ARL3: variants seen among roughly 807,000 people sequenced by gnomAD.
The protein encoded by ARL3 is ARF like GTPase 3, also known as ADP-ribosylation factor-like protein 3.
A neutral mutation model predicts 26.0 loss-of-function variants in ARL3; 9 were observed. The observed-to-expected ratio is 0.35, with a 90% CI of 0.21 to 0.60. The LOEUF is 0.60. Ranked by LOEUF, ARL3 falls within the 20% of genes least tolerant of loss-of-function variation. ARL3 has a pLI of 0.78. For synonymous variants in ARL3, 71 were observed against 78.4 expected (o/e 0.91, Z 0.50); for missense variants, 158 against 215.7 (o/e 0.73, Z 1.67).
intron 3 of ARL3, among the ~76,000 whole-genome samples, chr10:102,692,239 TA>T (rs2064221933): frequency 6.6e-6 from 1 of 152,216 alleles, no homozygotes; most frequent in African/African-American, 2.4e-5. Context: ...GAGACCTCCT[TA>T]TGGAGACTTA....
chr10:102,688,532 C>T (rs936140940), intron 4 of ARL3, among the ~76,000 whole-genome samples: 1 of 139,366 alleles, frequency 7.2e-6, no homozygotes, highest in African/African-American at 2.7e-5. Context: ...GAGGGAGTCT[C>T]ACTCTGTCAC....
chr10:102,699,281 G>A (rs112260500), intron 3 of ARL3, 92 bp downstream of exon 3: 3 of 827,226 alleles, frequency 3.6e-6, no homozygotes, highest in African/African-American at 1.7e-5. Context: ...TTATGGTGGT[G>A]GAATTACTGA....
At chr10:102,689,823 C>A (rs1012690409) in intron 4 of ARL3, 70 bp downstream of exon 4, 11 of 1,010,358 alleles carry the variant, frequency 1.1e-5, no homozygotes, top group Non-Finnish European at 1.6e-5. Flanking sequence ...AGCAAAAACT[C>A]CGTCTCAAAA....
chr10:102,685,650 C>A (rs1469179924), intron 5 of ARL3, among the ~76,000 whole-genome samples, 166 bp downstream of exon 5: 1 of 152,124 alleles, frequency 6.6e-6, no homozygotes, highest in East Asian at 1.9e-4. Flanking sequence ...TGTTGGGGCA[C>A]CTCATGATAT....
intron 3 of ARL3, 64 bp downstream of exon 3, chr10:102,699,309 G>C (rs925384090): frequency 3.3e-5 from 29 of 868,380 alleles, no homozygotes; most frequent in Non-Finnish European, 5.2e-5. Flanking sequence ...GAATGTTACA[G>C]TGTCCATGTT....
Position 102,684,371 on chromosome 10 carries a change from G to A in ARL3, c.501+1445C>T, listed in dbSNP as rs1485426696. On this transcript the variant is annotated intron_variant, in intron 5 of 5. Coordinates refer to ENST00000260746, the MANE Select transcript of ARL3 (RefSeq NM_004311.4). Reference sequence around the variant, plus strand: ...TCACTGTGTTAGCCAGGATGGTCTCGATCTCCTGACCTCGTGATCTGCCTG... The same window carrying A: ...TCACTGTGTTAGCCAGGATGGTCTCAATCTCCTGACCTCGTGATCTGCCTG... Among the ~76,000 whole-genome samples the A allele has an allele frequency of 2.6e-5, 4 of 151,854 alleles. No individual in the cohort carries two copies. The South Asian group carries it at 8.3e-4, about 32-fold the overall frequency.
At chr10:102,708,990 A>T (rs2064324754) in intron 1 of ARL3, among the ~76,000 whole-genome samples, 2 of 148,710 alleles carry the variant, frequency 1.3e-5, no homozygotes, top group Admixed American at 1.4e-4. Context: ...CTACAGCTTC[A>T]GCCTCCCAGG....
intron 3 of ARL3, among the ~76,000 whole-genome samples, chr10:102,694,128 C>T (rs973503973): frequency 6.6e-6 from 1 of 152,166 alleles, no homozygotes; most frequent in Non-Finnish European, 1.5e-5. Flanking sequence ...GCTGGGACTA[C>T]AGGCGCCTGC....
At chr10:102,684,374 C>T (rs1388113571) in intron 5 of ARL3, among the ~76,000 whole-genome samples, 2 of 152,110 alleles carry the variant, frequency 1.3e-5, no homozygotes, top group Non-Finnish European at 2.9e-5. Flanking sequence ...TGGTCTCGAT[C>T]TCCTGACCTC....
intron 5 of ARL3, among the ~76,000 whole-genome samples, chr10:102,678,946 C>T (rs772202765): frequency 6.6e-5 from 10 of 152,226 alleles, no homozygotes; most frequent in Non-Finnish European, 1.0e-4. Context: ...AGAGGGCGCA[C>T]AGAGGCCAGT....
At chr10:102,696,822 G>T (rs374201302) in intron 3 of ARL3, among the ~76,000 whole-genome samples, 2 of 152,192 alleles carry the variant, frequency 1.3e-5, no homozygotes, top group East Asian at 1.9e-4. Flanking sequence ...TTTTAGACAT[G>T]TTGAGGCTGA....
At chr10:102,696,213 C>T (rs1383284695) in intron 3 of ARL3, among the ~76,000 whole-genome samples, 2 of 151,466 alleles carry the variant, frequency 1.3e-5, no homozygotes, top group Non-Finnish European at 2.9e-5. Context: ...ATCCACCCAC[C>T]TCGGCCTCCC....
intron 5 of ARL3, among the ~76,000 whole-genome samples, chr10:102,677,746 C>T (rs2064137404): frequency 6.6e-6 from 1 of 152,186 alleles, no homozygotes; most frequent in Admixed American, 6.5e-5. Context: ...TCCCTAGAGT[C>T]TCCCCAACCT....
chr10:102,680,697 A>C (rs2064152376), intron 5 of ARL3, among the ~76,000 whole-genome samples: 1 of 152,136 alleles, frequency 6.6e-6, no homozygotes, highest in Non-Finnish European at 1.5e-5. Flanking sequence ...AGCTGGAAGG[A>C]AGCGGTGGCA....
In ARL3 at chr10:102,678,203, C is replaced by T. The variant is rs543438628; in HGVS notation, c.502-1262G>A. On this transcript the variant is annotated intron_variant, in intron 5 of 5. Transcript: ENST00000260746. ...TTTGCCAAGATGAGGCCGGTGGCGC[C>T]GAAAGCCCGAAGGTGGACAGCACCT... Among the ~76,000 whole-genome samples the T allele has an allele frequency of 3.9e-5, 6 of 152,080 alleles. No homozygotes were observed. The South Asian group carries it at 8.3e-4, about 21-fold the overall frequency.
chr10:102,704,732 C>T (rs1564733350), intron 2 of ARL3, among the ~76,000 whole-genome samples: 1 of 152,124 alleles, frequency 6.6e-6, no homozygotes, highest in East Asian at 1.9e-4. Context: ...CAAACACACA[C>T]ATGTGTATAT....
In ARL3 at chr10:102,676,573, G is replaced by T; in HGVS notation, c.*321C>A. 1.1e-5 allele frequency: 2 copies of T among 180,890 alleles called. No individual in the cohort carries two copies. Among genetic ancestry groups the T allele is most frequent in the South Asian group, 1.5e-4 (1 of 6,518 alleles). The allele number at this position is 180,890 out of a possible 1,614,324, so 11.2% of individuals were successfully genotyped here. ...TTTTGAGAGGAAAAAAAAGCCCACTGGAATTGTCTAAACTGCAATGCAATC... is the reference window on the plus strand; with the variant it reads ...TTTTGAGAGGAAAAAAAAGCCCACTTGAATTGTCTAAACTGCAATGCAATC... On this transcript the variant is annotated 3_prime_UTR_variant, in exon 6 of 6. Coordinates refer to ENST00000260746, the MANE Select transcript of ARL3 (RefSeq NM_004311.4).
intron 1 of ARL3, among the ~76,000 whole-genome samples, chr10:102,709,287 G>T (rs865837163): frequency 6.9e-6 from 1 of 145,640 alleles, no homozygotes; most frequent in Non-Finnish European, 1.5e-5. Context: ...TAAAAATACT[G>T]TTTTTTTTTT....
intron 4 of ARL3, among the ~76,000 whole-genome samples, chr10:102,689,340 A>G (rs576809753): frequency 1.3e-5 from 2 of 152,234 alleles, no homozygotes; most frequent in African/African-American, 4.8e-5. Flanking sequence ...GGGGGAAAAA[A>G]AAACTGTTTA....
Sources: gnomAD v4.1 joint callset for allele counts (sites outside exome capture counted in the v4.1 genomes callset) on GRCh38, gnomAD v4.1.1 for gene constraint, MANE v1.5 for transcripts, NCBI Gene and HGNC (gene_info 2026-07-23, HGNC 2026-07-21) for gene names.